Variants in TINAG observed in about 807,000 individuals in gnomAD.
TINAG encodes the protein tubulointerstitial nephritis antigen.
TINAG carries 83 observed loss-of-function variants against 72.7 expected under a neutral mutation model. That is an observed-to-expected ratio of 1.14 (90% CI 0.96 to 1.37). The LOEUF (loss-of-function observed/expected upper bound fraction) is 1.37. Among genes scored for constraint, TINAG ranks in the 40% most tolerant of loss-of-function variants. TINAG has a pLI of 0.00. For missense variants in TINAG, 685 were observed against 576.6 expected, an observed-to-expected ratio of 1.19 and a Z score of -1.93; for synonymous variants, 234 against 189.9, an observed-to-expected ratio of 1.23 and a Z score of -1.91.
chr6:54,383,157 A>G (rs537721453), intron 10 of TINAG, among the ~76,000 whole-genome samples: 3 of 152,286 alleles, frequency 2.0e-5, no homozygotes, highest in South Asian at 2.1e-4. Context: ...GAATGGCTAC[A>G]TATCTAATTG....
chr6:54,325,801 CTTA>C lies in TINAG; in HGVS notation c.510-998_510-996del, dbSNP rs201454086. On this transcript the variant is annotated intron_variant, in intron 3 of 10. Coordinates refer to ENST00000259782, the MANE Select transcript of TINAG (RefSeq NM_014464.4). ...AATATCTCTTATATTCAGAGGTTCCCTTATTGAGATTGCACTTTAAATTGTAAC... is the reference window on the plus strand; with the variant it reads ...AATATCTCTTATATTCAGAGGTTCCCTTGAGATTGCACTTTAAATTGTAAC... Among the ~76,000 whole-genome samples the C allele has an allele frequency of 1.4e-3, 220 of 152,242 alleles. 5 individuals are homozygous for C. In the East Asian group the frequency reaches 0.041, roughly 28 times the overall value.
At chr6:54,341,859 G>A (rs186640480) in intron 4 of TINAG, among the ~76,000 whole-genome samples, 2 of 152,254 alleles carry the variant, frequency 1.3e-5, no homozygotes, top group Admixed American at 1.3e-4. Context: ...CCTGAGTGTA[G>A]TCCTAGGAGC....
At chr6:54,380,792 T>C (rs914785741) in intron 10 of TINAG, among the ~76,000 whole-genome samples, 1 of 151,740 alleles carries the variant, frequency 6.6e-6, no homozygotes, top group African/African-American at 2.4e-5. Context: ...GAAAAATCAG[T>C]GTTTATTTTT....
At chr6:54,313,483 A>T (rs1003080021) in intron 1 of TINAG, among the ~76,000 whole-genome samples, 1 of 152,156 alleles carries the variant, frequency 6.6e-6, no homozygotes, top group Non-Finnish European at 1.5e-5. Flanking sequence ...TTACAAGCTA[A>T]GATTTATTGA....
chr6:54,354,207 T>G (rs753482680), intron 8 of TINAG, among the ~76,000 whole-genome samples: 12 of 151,916 alleles, frequency 7.9e-5, no homozygotes, highest in Non-Finnish European at 1.2e-4. Context: ...ACTGACCAAG[T>G]ATAGTATGCT....
intron 5 of TINAG, among the ~76,000 whole-genome samples, chr6:54,344,585 A>G (rs996675925): frequency 2.6e-5 from 4 of 152,196 alleles, no homozygotes; most frequent in Non-Finnish European, 4.4e-5. Context: ...TAGATCTATA[A>G]GAATTTTGCC....
intron 1 of TINAG, among the ~76,000 whole-genome samples, chr6:54,320,168 C>G (rs1341880725): frequency 5.3e-5 from 8 of 152,026 alleles, no homozygotes; most frequent in African/African-American, 1.9e-4. Flanking sequence ...AAGCTACTTG[C>G]TTCAGTCATA....
Position 54,354,566 on chromosome 6 carries a change from C to T in TINAG, c.1180C>T (p.His394Tyr). 1 of 1,610,400 alleles carries T rather than the reference C, an allele frequency of 6.2e-7. No homozygotes were observed. ...FFHYKTGIYR[H>Y]VTSTNKESEK... Reference sequence around the variant, plus strand: ...CCATTATAAGACAGGGATATACAGACATGTTACCAGCACAAATAAAGAATC... The same window carrying T: ...CCATTATAAGACAGGGATATACAGATATGTTACCAGCACAAATAAAGAATC... The change falls in exon 9 of 11, where the codon CAT (histidine) becomes TAT (tyrosine). Residue 394 changes from histidine (H) to tyrosine (Y), a missense_variant. Physicochemically the swap from His to Tyr is moderately conservative, Grantham distance 83. Transcript: ENST00000259782.
At chr6:54,317,710 A>G (rs1264918441) in intron 1 of TINAG, among the ~76,000 whole-genome samples, 4 of 152,084 alleles carry the variant, frequency 2.6e-5, no homozygotes, top group Admixed American at 2.6e-4. Flanking sequence ...AACTTTATAA[A>G]ATCTCTCCCT....
intron 4 of TINAG, among the ~76,000 whole-genome samples, chr6:54,328,481 G>T (rs1784660277): frequency 6.6e-6 from 1 of 152,098 alleles, no homozygotes; most frequent in African/African-American, 2.4e-5. Flanking sequence ...CAACATCAAA[G>T]GCCAGAAGTA....
At chr6:54,351,256 G>T in intron 7 of TINAG, 96 bp from the exon 8 acceptor site, 1 of 1,068,448 alleles carries the variant, frequency 9.4e-7, no homozygotes, top group South Asian at 1.4e-5. Context: ...AAGTACAATT[G>T]AGAGTAAATT....
chr6:54,332,972 T>C (rs1418476216), intron 4 of TINAG, among the ~76,000 whole-genome samples: 2 of 152,104 alleles, frequency 1.3e-5, no homozygotes, highest in Non-Finnish European at 2.9e-5. Flanking sequence ...AAACAACAGA[T>C]GCTGGAGAGG....
At chr6:54,380,714 A>G (rs1763920887) in intron 10 of TINAG, 143 bp downstream of exon 10, 3 of 499,872 alleles carry the variant, frequency 6.0e-6, no homozygotes, top group Non-Finnish European at 1.0e-5. Context: ...CGCCAGCACA[A>G]AACTTATTAT....
intron 10 of TINAG, among the ~76,000 whole-genome samples, chr6:54,385,750 T>A (rs1434065866): frequency 6.6e-6 from 1 of 151,412 alleles, no homozygotes; most frequent in Non-Finnish European, 1.5e-5. Context: ...ATATTACAAT[T>A]AAGAAATATA....
At chr6:54,363,408 G>C (rs1459153760) in intron 9 of TINAG, among the ~76,000 whole-genome samples, 1 of 151,440 alleles carries the variant, frequency 6.6e-6, no homozygotes, top group African/African-American at 2.4e-5. Context: ...GGAAGAGTTG[G>C]GAGATATGAG....
At chr6:54,354,937 G>A (rs1762988954) in intron 9 of TINAG, among the ~76,000 whole-genome samples, 1 of 151,796 alleles carries the variant, frequency 6.6e-6, no homozygotes, top group Non-Finnish European at 1.5e-5. Flanking sequence ...CATAATCAAG[G>A]GAAGAGAGCA....
intron 10 of TINAG, among the ~76,000 whole-genome samples, chr6:54,386,524 G>A: frequency 6.6e-6 from 1 of 152,112 alleles, no homozygotes; most frequent in East Asian, 1.9e-4. Context: ...CTTAGAGGAT[G>A]CCTGAAGTTC....
intron 9 of TINAG, among the ~76,000 whole-genome samples, chr6:54,375,064 G>T (rs757968958): frequency 1.3e-5 from 2 of 152,028 alleles, no homozygotes; most frequent in Non-Finnish European, 2.9e-5. Context: ...GGGTGATTCT[G>T]CTACAGTGTA....
intron 9 of TINAG, among the ~76,000 whole-genome samples, chr6:54,367,355 A>G (rs890803508): frequency 2.6e-5 from 4 of 151,792 alleles, no homozygotes; most frequent in Non-Finnish European, 4.4e-5. Context: ...TTAAAAAGTA[A>G]AAGGAATGTT....
Sources: gnomAD v4.1 joint callset for allele counts (sites outside exome capture counted in the v4.1 genomes callset) on GRCh38, gnomAD v4.1.1 for gene constraint, MANE v1.5 for transcripts, NCBI Gene and HGNC (gene_info 2026-07-23, HGNC 2026-07-21) for gene names.